TMEM232: variants seen among roughly 807,000 people sequenced by gnomAD.
The protein encoded by TMEM232 is transmembrane protein 232.
TMEM232 carries 80 observed loss-of-function variants against 78.8 expected under a neutral mutation model. The observed-to-expected ratio is 1.01, with a 90% CI of 0.85 to 1.22. TMEM232 has a LOEUF of 1.22. TMEM232 is among the 50% of genes most tolerant of loss of function. TMEM232 has a pLI of 0.00. For synonymous variants in TMEM232, 297 were observed against 254.3 expected (o/e 1.17, Z -1.60); for missense variants, 881 against 742.2 (o/e 1.19, Z -2.17).
In TMEM232 at chr5:110,627,871, A is replaced by C. The variant is rs560438908; in HGVS notation, c.511T>G (p.Leu171Val). 437 of 1,525,834 alleles carry C rather than the reference A, an allele frequency of 2.9e-4. 1 individual carries two copies. In the African/African-American group the frequency reaches 5.4e-3, roughly 19 times the overall value. The allele number at this position is 1,525,834 out of a possible 1,614,324, so 94.5% of individuals were successfully genotyped here. A position where few individuals can be genotyped will look rare whatever the true frequency, so the allele number is the denominator to read the frequency against. The part of the protein sequence containing the change: ...VEIKLAKIGY[L>V]VFLRLFIFFL... Reference sequence around the variant, plus strand: ...AATATAAAAAGTCGTAAGAAGACCAAATAGCCAATCTGTCAAAAGAGAAAA... The same window carrying C: ...AATATAAAAAGTCGTAAGAAGACCACATAGCCAATCTGTCAAAAGAGAAAA... Residue 171 changes from leucine to valine, a missense_variant, in exon 6 of 14, where the codon TTG (leucine) becomes GTG (valine). Coordinates refer to ENST00000455884, the MANE Select transcript of TMEM232 (RefSeq NM_001039763.4).
intron 12 of TMEM232, among the ~76,000 whole-genome samples, chr5:110,471,827 C>T (rs114920230): frequency 5.3e-5 from 8 of 151,654 alleles, no homozygotes; most frequent in African/African-American, 1.9e-4. Context: ...ATAAACAAAC[C>T]AACAAACTTT....
At chr5:110,404,896 T>C (rs534985661) in intron 2 of TMEM232, among the ~76,000 whole-genome samples, 5 of 152,042 alleles carry the variant, frequency 3.3e-5, no homozygotes, top group African/African-American at 1.2e-4. Context: ...AGAAAACAGA[T>C]AAGCTTTAGA....
At chr5:110,665,951 G>T (rs1008380581) in intron 2 of TMEM232, among the ~76,000 whole-genome samples, 2 of 151,598 alleles carry the variant, frequency 1.3e-5, no homozygotes, top group Admixed American at 1.3e-4. Context: ...TGCCCGTGGT[G>T]CCAGCTGCTC....
chr5:110,476,381 A>G (rs945951195), intron 12 of TMEM232, among the ~76,000 whole-genome samples: 25 of 152,066 alleles, frequency 1.6e-4, no homozygotes, highest in African/African-American at 6.0e-4. Flanking sequence ...GAAGGCAGCT[A>G]TTTTACAAGT....
intron 2 of TMEM232, among the ~76,000 whole-genome samples, chr5:110,400,041 T>C (rs1476944832): frequency 6.6e-6 from 1 of 152,170 alleles, no homozygotes; most frequent in Non-Finnish European, 1.5e-5. Flanking sequence ...TACATGCTTT[T>C]ACAGTGGAAA....
intron 11 of TMEM232, among the ~76,000 whole-genome samples, chr5:110,550,470 C>T (rs1774313013): frequency 6.6e-6 from 1 of 151,876 alleles, no homozygotes; most frequent in African/African-American, 2.4e-5. Flanking sequence ...CACAAAAAAA[C>T]ATGAATTTTT....
intron 10 of TMEM232, among the ~76,000 whole-genome samples, chr5:110,600,765 T>G (rs574190451): frequency 6.6e-6 from 1 of 152,150 alleles, no homozygotes; most frequent in Non-Finnish European, 1.5e-5. Flanking sequence ...CTTCTGAAAC[T>G]ATTCCAAACA....
chr5:110,623,452 A>G (rs1286254322), intron 7 of TMEM232, among the ~76,000 whole-genome samples: 1 of 152,194 alleles, frequency 6.6e-6, no homozygotes, highest in African/African-American at 2.4e-5. Context: ...ATCCTCTGCT[A>G]TAATATACTA....
At chr5:110,659,496 A>G (rs1789519850) in intron 2 of TMEM232, among the ~76,000 whole-genome samples, 1 of 152,142 alleles carries the variant, frequency 6.6e-6, no homozygotes, top group Non-Finnish European at 1.5e-5. Context: ...GATTCACTGG[A>G]GGAGGATGCA....
intron 12 of TMEM232, among the ~76,000 whole-genome samples, chr5:110,463,736 A>G (rs1005005652): frequency 6.6e-6 from 1 of 152,156 alleles, no homozygotes; most frequent in Non-Finnish European, 1.5e-5. Context: ...TTATTGGCAA[A>G]TATGGTTAGT....
intron 1 of TMEM232, among the ~76,000 whole-genome samples, chr5:110,696,253 A>G (rs555959259): frequency 6.6e-6 from 1 of 152,130 alleles, no homozygotes; most frequent in Non-Finnish European, 1.5e-5. Flanking sequence ...AAATTCAACA[A>G]GCTTCATGCT....
At chr5:110,438,972 A>T (rs541301995) in intron 12 of TMEM232, among the ~76,000 whole-genome samples, 9 of 152,160 alleles carry the variant, frequency 5.9e-5, no homozygotes, top group African/African-American at 2.2e-4. Flanking sequence ...AGGTTAAAAA[A>T]TAGATAATTT....
chr5:110,507,997 G>A (rs1014264771), intron 12 of TMEM232, among the ~76,000 whole-genome samples: 1 of 152,126 alleles, frequency 6.6e-6, no homozygotes, highest in African/African-American at 2.4e-5. Context: ...TGACTTGTCA[G>A]CCAACTGTGT....
At chr5:110,589,769 ATAAAATAAAGT>A (rs1241999605) in intron 10 of TMEM232, among the ~76,000 whole-genome samples, 2 of 152,168 alleles carry the variant, frequency 1.3e-5, no homozygotes, top group Non-Finnish European at 2.9e-5. Flanking sequence ...CAATAAATAC[ATAAAATAAAGT>A]TAATTATTAA....
intron 12 of TMEM232, among the ~76,000 whole-genome samples, chr5:110,503,712 T>C (rs146247453): frequency 2.0e-5 from 3 of 152,174 alleles, no homozygotes; most frequent in Middle Eastern, 3.2e-3. Flanking sequence ...TTGTTTTCCA[T>C]AAGCCCATTA....
At chr5:110,738,385 T>G, upstream of TMEM232, 2 of 537,806 alleles carry the variant, frequency 3.7e-6, no homozygotes, top group South Asian at 3.6e-5. Flanking sequence ...TATAGTTTCT[T>G]TACAGCCTTA....
chr5:110,391,254 A>T (rs1027599928), intron 3 of TMEM232, among the ~76,000 whole-genome samples: 1 of 150,880 alleles, frequency 6.6e-6, no homozygotes, highest in African/African-American at 2.4e-5. Context: ...ATGCTGGTAC[A>T]TGTCTATTAG....
At chr5:110,497,369 G>A (rs1340642563) in intron 12 of TMEM232, among the ~76,000 whole-genome samples, 1 of 152,070 alleles carries the variant, frequency 6.6e-6, no homozygotes, top group Non-Finnish European at 1.5e-5. Flanking sequence ...TGGAGACATG[G>A]AACTTGAATT....
At chr5:110,498,692 C>T (rs781495287) in intron 12 of TMEM232, among the ~76,000 whole-genome samples, 1 of 152,070 alleles carries the variant, frequency 6.6e-6, no homozygotes, top group South Asian at 2.1e-4. Context: ...ATGGCTAATA[C>T]TCAAGGGGAA....
Sources: allele counts gnomAD v4.1 joint callset (sites outside exome capture counted in the v4.1 genomes callset), GRCh38; gene constraint gnomAD v4.1.1; transcripts MANE v1.5; gene names NCBI Gene and HGNC (gene_info 2026-07-23, HGNC 2026-07-21).